DMD: variants seen among roughly 807,000 people sequenced by gnomAD.
The protein encoded by DMD is dystrophin, also known as mutant dystrophin.
A neutral mutation model predicts 330.1 loss-of-function variants in DMD; 63 were observed. That is an observed-to-expected ratio of 0.19 (90% CI 0.16 to 0.24). The LOEUF (loss-of-function observed/expected upper bound fraction) is 0.24. Among genes scored for constraint, DMD ranks in the 10% least tolerant of loss-of-function variants. The pLI, the probability that DMD is intolerant of heterozygous loss-of-function variation, is 1.00. For missense variants in DMD, 3,344 were observed against 2,684.1 expected (o/e 1.25, Z -5.43); for synonymous variants, 1,223 against 959.8 (o/e 1.27, Z -5.07).
At chrX:32,596,012 C>G in intron 12 of DMD, 136 bp from the exon 13 acceptor site, 1 of 564,520 alleles carries the variant, frequency 1.8e-6, no homozygotes, top group East Asian at 3.7e-5. Flanking sequence ...AAAACCATTC[C>G]AAGCCAATTT....
chrX:32,588,967 G>C (rs916468502), intron 13 of DMD, among the ~76,000 whole-genome samples: 1 of 111,427 alleles, frequency 9.0e-6, no homozygotes, highest in Non-Finnish European at 1.9e-5. Flanking sequence ...TGTTGAGTTT[G>C]AAGTGTTGTT....
rs748226811 is a variant in DMD at position 33,076,175 on chromosome X, T to A, written c.32-55975A>T. On this transcript the variant is annotated intron_variant, in intron 1 of 78. Coordinates refer to ENST00000357033, the MANE Select transcript of DMD (RefSeq NM_004006.3). ...AGGGCAAGACAGCTTTGACTCCCTA[T>A]GATTTCATCTCTGATCCAACCAATC... Among the ~76,000 whole-genome samples, 125 of 111,350 alleles carry A rather than the reference T, an allele frequency of 1.1e-3. 1 individual carries two copies. The highest frequency in any genetic ancestry group is 3.2e-3 in the African/African-American group (98 of 30,638).
chrX:32,386,488 A>G lies in DMD; in HGVS notation c.4519-23T>C, dbSNP rs200302079. 70 of 1,145,872 alleles carry G rather than the reference A, an allele frequency of 6.1e-5. No homozygotes were observed. The African/African-American group carries it at 8.8e-4, about 14-fold the overall frequency. 94.4% of individuals were successfully genotyped at this position (1,145,872 alleles called of 1,213,427 possible). A position where few individuals can be genotyped will look rare whatever the true frequency, so the allele number is the denominator to read the frequency against. On this transcript the variant is annotated intron_variant, in intron 32 of 78. Coordinates refer to ENST00000357033, the MANE Select transcript of DMD (RefSeq NM_004006.3). ...GTTCTAAGTTTAAACATAAAACAAA[A>G]CATGATAATCAGTAGAGTTAAATTA... is the stretch of plus-strand genomic sequence containing the variant.
intron 1 of DMD, among the ~76,000 whole-genome samples, chrX:33,195,069 G>A (rs145722875): frequency 1.4e-3 from 154 of 111,334 alleles, no homozygotes; most frequent in African/African-American, 4.8e-3. Flanking sequence ...CCATGCTTGT[G>A]CACACATATT....
At chrX:32,871,685 T>G (rs1425408708) in intron 2 of DMD, among the ~76,000 whole-genome samples, 1 of 111,801 alleles carries the variant, frequency 8.9e-6, no homozygotes, top group Non-Finnish European at 1.9e-5. Context: ...AACTTCCAGC[T>G]GTTCAACTGG....
At chrX:31,839,903 CAGT>C (rs1489842980) in intron 48 of DMD, among the ~76,000 whole-genome samples, 1 of 111,661 alleles carries the variant, frequency 9.0e-6, no homozygotes, top group Admixed American at 9.6e-5. Context: ...TTTGTAATTC[CAGT>C]AGAAGAGTAA....
intron 50 of DMD, among the ~76,000 whole-genome samples, chrX:31,791,670 T>C (rs1415197455): frequency 8.9e-6 from 1 of 112,123 alleles, no homozygotes. Context: ...CCAATATGCT[T>C]TCACTCTTTA....
At chrX:31,367,205 T>C (rs2059308079) in intron 60 of DMD, among the ~76,000 whole-genome samples, 1 of 111,344 alleles carries the variant, frequency 9.0e-6, no homozygotes, top group Non-Finnish European at 1.9e-5. Flanking sequence ...GGGAAAATCT[T>C]GTTCCTTTCC....
At chrX:32,656,048 C>G (rs1602596462) in intron 9 of DMD, among the ~76,000 whole-genome samples, 1 of 111,537 alleles carries the variant, frequency 9.0e-6, no homozygotes, top group Non-Finnish European at 1.9e-5. Flanking sequence ...CAATATGTAT[C>G]TTTCTTCACC....
In DMD at chrX:32,928,776, T is replaced by C. The variant is rs373870095; in HGVS notation, c.94-78956A>G. ...CCAGTTATAACACTGTTAACTTACA[T>C]GGGGTTGGGGTAATTGCTTACAATC... On this transcript the variant is annotated intron_variant, in intron 2 of 78. Transcript: ENST00000357033. Among the ~76,000 whole-genome samples the C allele has an allele frequency of 5.9e-4, 66 of 112,007 alleles. No individual in the cohort carries two copies. In the South Asian group the frequency reaches 0.023, roughly 40 times the overall value.
At chrX:32,691,356 C>A (rs2063270358) in intron 9 of DMD, among the ~76,000 whole-genome samples, 1 of 109,194 alleles carries the variant, frequency 9.2e-6, no homozygotes, top group Non-Finnish European at 1.9e-5. Flanking sequence ...TAAAAATGGG[C>A]TAAAGGCTTG....
chrX:32,918,153 T>C (rs2088027444), intron 2 of DMD, among the ~76,000 whole-genome samples: 1 of 111,076 alleles, frequency 9.0e-6, no homozygotes, highest in Admixed American at 9.6e-5. Context: ...CTAAAATATA[T>C]GTGACTGTAG....
At chrX:32,541,074 T>C (rs2048439647) in intron 17 of DMD, among the ~76,000 whole-genome samples, 1 of 111,606 alleles carries the variant, frequency 9.0e-6, no homozygotes. Context: ...ACTTGCCCAA[T>C]AATACAATCT....
intron 53 of DMD, among the ~76,000 whole-genome samples, chrX:31,671,643 T>A (rs1312535943): frequency 8.9e-6 from 1 of 112,200 alleles, no homozygotes; most frequent in African/African-American, 3.2e-5. Flanking sequence ...GAGAAGTTTT[T>A]AATACCAATT....
chrX:31,706,917 A>T (rs1158163617), intron 52 of DMD, among the ~76,000 whole-genome samples: 1 of 112,046 alleles, frequency 8.9e-6, no homozygotes, highest in Non-Finnish European at 1.9e-5. Context: ...CACACAGATA[A>T]AGTATGTTAA....
In DMD at chrX:31,517,918, AACACACACACAC is replaced by A. The variant is rs372551324; in HGVS notation, c.8218-10477_8218-10466del. Among the ~76,000 whole-genome samples, 260 of 89,623 alleles carry A rather than the reference AACACACACACAC, an allele frequency of 2.9e-3. 4 individuals are homozygous for A. The highest frequency in any genetic ancestry group is 0.021 in the Middle Eastern group (4 of 191). The allele number at this position is 89,623 out of a possible 115,157, so 77.8% of individuals were successfully genotyped here. A position where few individuals can be genotyped will look rare whatever the true frequency, so the allele number is the denominator to read the frequency against. On this transcript the variant is annotated intron_variant, in intron 55 of 78. Coordinates refer to ENST00000357033, the MANE Select transcript of DMD (RefSeq NM_004006.3). Reference sequence around the variant, plus strand: ...AAAAAAATACATATGCTGTGTTTCAAACACACACACACACACACACACACACACACACACACA... The same window carrying A: ...AAAAAAATACATATGCTGTGTTTCAAACACACACACACACACACACACACA...
chrX:33,250,959 T>A (rs1240838966), intron 1 of DMD, among the ~76,000 whole-genome samples: 1 of 111,067 alleles, frequency 9.0e-6, no homozygotes, highest in African/African-American at 3.3e-5. Flanking sequence ...TCACATTTTA[T>A]ATGTAGGGCT....
At chrX:32,551,663 C>A (rs1254246424) in intron 16 of DMD, among the ~76,000 whole-genome samples, 1 of 111,273 alleles carries the variant, frequency 9.0e-6, no homozygotes, top group Non-Finnish European at 1.9e-5. Context: ...GAAATAAAGG[C>A]AATCCAAATA....
chrX:31,366,783 G>A (rs2059287423), intron 60 of DMD, among the ~76,000 whole-genome samples: 1 of 108,264 alleles, frequency 9.2e-6, no homozygotes, highest in Admixed American at 9.8e-5. Context: ...ATGTCCTTTT[G>A]TATCTTTTTT....
Sources: allele counts gnomAD v4.1 joint callset (sites outside exome capture counted in the v4.1 genomes callset), GRCh38; gene constraint gnomAD v4.1.1; transcripts MANE v1.5; gene names NCBI Gene and HGNC (gene_info 2026-07-23, HGNC 2026-07-21).